Variants in PDE10A observed in about 807,000 individuals in gnomAD.
The protein encoded by PDE10A is cAMP and cAMP-inhibited cGMP 3',5'-cyclic phosphodiesterase 10A.
Under a neutral mutation model 97.7 loss-of-function variants are expected in PDE10A, and 39 were observed. The observed-to-expected ratio is 0.40, with a 90% CI of 0.31 to 0.52. The LOEUF is 0.52. PDE10A is among the 20% of genes least tolerant of loss of function. PDE10A has a pLI of 0.56. For synonymous variants in PDE10A, 371 were observed against 376.8 expected, an observed-to-expected ratio of 0.98 and a Z score of 0.18; for missense variants, 731 against 1,047.8, an observed-to-expected ratio of 0.70 and a Z score of 4.17.
chr6:165,825,358 C>T (rs1388538928), intron 1 of PDE10A, among the ~76,000 whole-genome samples: 2 of 151,942 alleles, frequency 1.3e-5, no homozygotes, highest in African/African-American at 2.4e-5. Flanking sequence ...TTTAATTGCA[C>T]CATAAAGGAT....
chr6:165,966,058 A>G (rs1784501060), intron 1 of PDE10A, among the ~76,000 whole-genome samples: 1 of 152,272 alleles, frequency 6.6e-6, no homozygotes, highest in South Asian at 2.1e-4. Flanking sequence ...ATCTTCCTTC[A>G]GATCAGATAA....
chr6:165,543,419 G>A lies in PDE10A; in HGVS notation c.994+21C>T. 3.1e-6 allele frequency: 5 copies of A among 1,594,248 alleles called. No homozygotes were observed. The African/African-American group carries it at 4.1e-5, about 13-fold the overall frequency. ...AAGATAGAAAAAGCTGGTTTAAAAT[G>A]AGATCCACAAGAGACCTTACCTTCT... On this transcript the variant is annotated intron_variant, in intron 2 of 21. Coordinates refer to ENST00000539869, the MANE Select transcript of PDE10A (RefSeq NM_001385079.1).
At chr6:165,559,263 A>T (rs532844789) in intron 1 of PDE10A, among the ~76,000 whole-genome samples, 1 of 152,322 alleles carries the variant, frequency 6.6e-6, no homozygotes, top group South Asian at 2.1e-4. Flanking sequence ...TCCAATACGA[A>T]GTAGGAAATA....
At chr6:165,727,029 G>A (rs765679038) in intron 1 of PDE10A, among the ~76,000 whole-genome samples, 11 of 152,174 alleles carry the variant, frequency 7.2e-5, no homozygotes, top group African/African-American at 1.7e-4. Flanking sequence ...CCCTGGGACC[G>A]AGCACGTGGG....
intron 2 of PDE10A, among the ~76,000 whole-genome samples, chr6:165,501,412 T>C (rs977256759): frequency 6.6e-6 from 1 of 151,918 alleles, no homozygotes; most frequent in Non-Finnish European, 1.5e-5. Flanking sequence ...ATACAAAAAA[T>C]TAGCCAGGCG....
At chr6:165,464,821 T>C (rs1038607571) in intron 3 of PDE10A, among the ~76,000 whole-genome samples, 1 of 152,214 alleles carries the variant, frequency 6.6e-6, no homozygotes, top group Admixed American at 6.5e-5. Context: ...GCCATGGTAC[T>C]ATGTGTTTCA....
intron 1 of PDE10A, among the ~76,000 whole-genome samples, chr6:165,637,053 ATTAAT>A (rs773137855): frequency 6.6e-6 from 1 of 152,196 alleles, no homozygotes. Flanking sequence ...CTATTATTTA[ATTAAT>A]TTAACCCTTT....
intron 1 of PDE10A, among the ~76,000 whole-genome samples, chr6:165,880,555 T>C (rs796443468): frequency 5.3e-5 from 8 of 152,364 alleles, no homozygotes; most frequent in African/African-American, 1.9e-4. Flanking sequence ...TGAGATTCTT[T>C]TTTTCTAACC....
chr6:165,479,324 AC>A (rs1202571147), intron 3 of PDE10A, among the ~76,000 whole-genome samples: 1 of 152,058 alleles, frequency 6.6e-6, no homozygotes, highest in Non-Finnish European at 1.5e-5. Context: ...CAGCTAGAAG[AC>A]CTAAATACCC....
chr6:165,657,011 T>C (rs763610614), intron 1 of PDE10A, among the ~76,000 whole-genome samples: 1 of 152,248 alleles, frequency 6.6e-6, no homozygotes, highest in Non-Finnish European at 1.5e-5. Context: ...ACAGGCACCA[T>C]GTTTTGTTCT....
chr6:165,576,910 A>G (rs1338456638), intron 1 of PDE10A, among the ~76,000 whole-genome samples: 2 of 152,222 alleles, frequency 1.3e-5, no homozygotes, highest in African/African-American at 2.4e-5. Context: ...CCAATTTGCT[A>G]CATCAGTCAT....
chr6:165,829,648 T>C (rs1328483975), intron 1 of PDE10A, among the ~76,000 whole-genome samples: 1 of 152,194 alleles, frequency 6.6e-6, no homozygotes, highest in Non-Finnish European at 1.5e-5. Context: ...GCAAAAGTGA[T>C]CGGATCTCTC....
chr6:165,737,125 G>A (rs1792595098), intron 1 of PDE10A, among the ~76,000 whole-genome samples: 2 of 152,192 alleles, frequency 1.3e-5, no homozygotes, highest in South Asian at 4.1e-4. Context: ...AAAGATCAGT[G>A]AGTAAGGAGA....
At chr6:165,676,617 C>T (rs951383138) in intron 1 of PDE10A, among the ~76,000 whole-genome samples, 14 of 152,056 alleles carry the variant, frequency 9.2e-5, no homozygotes, top group African/African-American at 2.9e-4. Context: ...TGCACCCAGG[C>T]CCATGTGCCT....
chr6:165,783,702 A>G (rs963605648), intron 1 of PDE10A, among the ~76,000 whole-genome samples: 1 of 152,242 alleles, frequency 6.6e-6, no homozygotes, highest in East Asian at 1.9e-4. Flanking sequence ...ACCAGCCGTT[A>G]CTAGCCCTGT....
At chr6:165,434,821 G>A (rs1789882073) in intron 6 of PDE10A, among the ~76,000 whole-genome samples, 2 of 152,176 alleles carry the variant, frequency 1.3e-5, no homozygotes, top group Admixed American at 1.3e-4. Flanking sequence ...CAGACCAGCA[G>A]AATAACCCAG....
At chr6:165,495,907 T>A (rs1780507518) in intron 2 of PDE10A, among the ~76,000 whole-genome samples, 1 of 152,172 alleles carries the variant, frequency 6.6e-6, no homozygotes, top group South Asian at 2.1e-4. Context: ...CATGAAGCTG[T>A]ATTCTAAATG....
At chr6:165,489,894 A>C (rs1780128794) in intron 2 of PDE10A, among the ~76,000 whole-genome samples, 1 of 152,232 alleles carries the variant, frequency 6.6e-6, no homozygotes, top group South Asian at 2.1e-4. Flanking sequence ...TAACAAATGC[A>C]AAGAAAAAAG....
At chr6:165,821,907 T>G (rs1227026641) in intron 1 of PDE10A, among the ~76,000 whole-genome samples, 1 of 152,132 alleles carries the variant, frequency 6.6e-6, no homozygotes, top group African/African-American at 2.4e-5. Context: ...CCGGGTTTTT[T>G]TTTCCCTGCC....
Sources: gnomAD v4.1 joint callset for allele counts (sites outside exome capture counted in the v4.1 genomes callset) on GRCh38, gnomAD v4.1.1 for gene constraint, MANE v1.5 for transcripts, NCBI Gene and HGNC (gene_info 2026-07-23, HGNC 2026-07-21) for gene names.